TENM4: variants seen among roughly 807,000 people sequenced by gnomAD.
TENM4 encodes teneurin-4.
Under a neutral mutation model 243.3 loss-of-function variants are expected in TENM4, and 82 were observed. The observed-to-expected ratio is 0.34, with a 90% CI of 0.28 to 0.40. TENM4 has a LOEUF of 0.40. Ranked by LOEUF, TENM4 falls within the 10% of genes least tolerant of loss-of-function variation. TENM4 has a pLI of 1.00. For missense variants in TENM4, 3,138 were observed against 3,673.3 expected (o/e 0.85, Z 3.77); for synonymous variants, 1,412 against 1,456.3 (o/e 0.97, Z 0.69).
At chr11:78,992,805 G>C (rs925749142) in intron 6 of TENM4, among the ~76,000 whole-genome samples, 3 of 152,152 alleles carry the variant, frequency 2.0e-5, no homozygotes, top group Admixed American at 6.5e-5. Context: ...AATTTACTTA[G>C]CTCTTTGCCC....
chr11:78,953,738 C>T (rs750428351), intron 6 of TENM4, among the ~76,000 whole-genome samples: 1 of 152,076 alleles, frequency 6.6e-6, no homozygotes, highest in Non-Finnish European at 1.5e-5. Context: ...AAATACTATG[C>T]CATTTTATAT....
chr11:78,843,369 C>T (rs1463263133), intron 12 of TENM4, among the ~76,000 whole-genome samples: 2 of 152,012 alleles, frequency 1.3e-5, no homozygotes, highest in Admixed American at 6.5e-5. Context: ...CATTTGCAGT[C>T]CTAGCTATTT....
intron 6 of TENM4, among the ~76,000 whole-genome samples, chr11:79,044,851 C>G (rs1859620663): frequency 6.6e-6 from 1 of 152,144 alleles, no homozygotes; most frequent in South Asian, 2.1e-4. Flanking sequence ...GGGGCCTGAT[C>G]CTACGGATGC....
intron 6 of TENM4, among the ~76,000 whole-genome samples, chr11:78,973,248 C>T (rs1296520740): frequency 1.3e-5 from 2 of 152,228 alleles, no homozygotes; most frequent in African/African-American, 4.8e-5. Flanking sequence ...TAAGGAACTG[C>T]CAGATTGTCT....
At chr11:79,215,572 A>G (rs981314873) in intron 3 of TENM4, among the ~76,000 whole-genome samples, 2 of 152,030 alleles carry the variant, frequency 1.3e-5, no homozygotes, top group African/African-American at 4.8e-5. Flanking sequence ...CCCTCCCACC[A>G]TGCTGGCTGC....
chr11:78,856,308 C>G lies in TENM4; in HGVS notation c.1256-130G>C, dbSNP rs191644675. 181 of 829,060 alleles carry G rather than the reference C, an allele frequency of 2.2e-4. 2 individuals carry two copies. The highest frequency in any genetic ancestry group is 1.7e-3 in the East Asian group (64 of 37,138). 51.4% of individuals were successfully genotyped at this position (829,060 alleles called of 1,614,324 possible). A position where few individuals can be genotyped will look rare whatever the true frequency, so the allele number is the denominator to read the frequency against. ...CTTCTCTATAATGTTCTGCTGTCAG[C>G]TTCCTCCCCACCCTGGCCCTCCCCA... On this transcript the variant is annotated intron_variant, in intron 10 of 33. Coordinates refer to ENST00000278550, the MANE Select transcript of TENM4 (RefSeq NM_001098816.3).
At chr11:78,858,453 C>T (rs1858732670) in intron 10 of TENM4, among the ~76,000 whole-genome samples, 1 of 152,132 alleles carries the variant, frequency 6.6e-6, no homozygotes, top group African/African-American at 2.4e-5. Context: ...CCAAATCCCA[C>T]CACAGGGACA....
At chr11:79,242,462 AAC>A (rs1261623059) in intron 2 of TENM4, among the ~76,000 whole-genome samples, 1 of 152,204 alleles carries the variant, frequency 6.6e-6, no homozygotes, top group Admixed American at 6.5e-5. Flanking sequence ...AACTACCGTT[AAC>A]AGTTTGTGTG....
At chr11:78,995,670 AGAATGGGCC>A (rs1187217761) in intron 6 of TENM4, among the ~76,000 whole-genome samples, 4 of 151,980 alleles carry the variant, frequency 2.6e-5, no homozygotes, top group African/African-American at 9.7e-5. Context: ...TTTTAAAGTT[AGAATGGGCC>A]TTGAACATCA....
At chr11:79,172,829 C>A (rs961151510) in intron 3 of TENM4, among the ~76,000 whole-genome samples, 4 of 151,978 alleles carry the variant, frequency 2.6e-5, no homozygotes, top group Admixed American at 2.6e-4. Flanking sequence ...TTAGTAGAGA[C>A]GGAGTTTCTC....
chr11:79,206,730 T>A (rs1305237797), intron 3 of TENM4, among the ~76,000 whole-genome samples: 2 of 152,178 alleles, frequency 1.3e-5, no homozygotes, highest in Non-Finnish European at 2.9e-5. Flanking sequence ...TAGAAGTACC[T>A]TCCACCTCCG....
intron 6 of TENM4, among the ~76,000 whole-genome samples, chr11:78,930,269 G>A (rs1437274079): frequency 6.6e-6 from 1 of 152,170 alleles, no homozygotes; most frequent in African/African-American, 2.4e-5. Context: ...ACTTAGAAAG[G>A]AAGAGAAGCT....
chr11:78,901,981 T>C (rs1565117655), intron 7 of TENM4, among the ~76,000 whole-genome samples: 1 of 152,244 alleles, frequency 6.6e-6, no homozygotes, highest in Non-Finnish European at 1.5e-5. Context: ...ACCATAGCTG[T>C]GTGCTAGGCA....
At chr11:78,975,212 A>C (rs1228260594) in intron 6 of TENM4, among the ~76,000 whole-genome samples, 2 of 151,864 alleles carry the variant, frequency 1.3e-5, no homozygotes, top group Admixed American at 1.3e-4. Flanking sequence ...TGGAAGACTC[A>C]CTGAGCTCCA....
chr11:79,086,399 G>C (rs1036940516), intron 4 of TENM4, among the ~76,000 whole-genome samples: 3 of 152,340 alleles, frequency 2.0e-5, no homozygotes, highest in Admixed American at 2.0e-4. Flanking sequence ...TTGGAAACAG[G>C]AACCAACATG....
chr11:78,879,140 C>G (rs953311175), intron 9 of TENM4, among the ~76,000 whole-genome samples: 2 of 149,392 alleles, frequency 1.3e-5, no homozygotes, highest in Non-Finnish European at 1.5e-5. Context: ...AAGTGAGGAG[C>G]ACCTCTGCCC....
chr11:79,366,784 A>G (rs557456371), intron 1 of TENM4, among the ~76,000 whole-genome samples: 62 of 152,322 alleles, frequency 4.1e-4, no homozygotes, highest in Admixed American at 1.0e-3. Context: ...AGAAGTTAAA[A>G]TAGATCTAAA....
chr11:79,044,666 T>C (rs1011262013), intron 6 of TENM4, among the ~76,000 whole-genome samples: 1 of 152,206 alleles, frequency 6.6e-6, no homozygotes, highest in Non-Finnish European at 1.5e-5. Flanking sequence ...GCTGTGTGGC[T>C]TTGGATAAGT....
At chr11:79,109,555 AG>A (rs1290541542) in intron 4 of TENM4, among the ~76,000 whole-genome samples, 1 of 152,202 alleles carries the variant, frequency 6.6e-6, no homozygotes, top group Admixed American at 6.5e-5. Flanking sequence ...GGAGCCAGGC[AG>A]GCAGGCCGAG....
Sources: gnomAD v4.1 joint callset for allele counts (sites outside exome capture counted in the v4.1 genomes callset) on GRCh38, gnomAD v4.1.1 for gene constraint, MANE v1.5 for transcripts, NCBI Gene and HGNC (gene_info 2026-07-23, HGNC 2026-07-21) for gene names.